The following BCL2 variants were observed in gnomAD, a reference collection of about 807,000 sequenced individuals.
BCL2 encodes BCL2 apoptosis regulator, also known as apoptosis regulator Bcl-2.
In BCL2, 1 loss-of-function variant was observed where a neutral mutation model predicts 14.2. The ratio of observed to expected loss-of-function variants is 0.07; its 90% CI spans 0.02 to 0.33. The LOEUF (loss-of-function observed/expected upper bound fraction) is 0.33. Ranked by LOEUF, BCL2 falls within the 10% of genes least tolerant of loss-of-function variation. BCL2 has a pLI of 0.99. For missense variants in BCL2, 247 were observed against 305.9 expected, an observed-to-expected ratio of 0.81 and a Z score of 1.44; for synonymous variants, 151 against 137.2, an observed-to-expected ratio of 1.10 and a Z score of -0.70.
rs569932555 is a variant in BCL2 at position 63,302,255 on chromosome 18, T to C, written c.585+15827A>G. ...GGCTGAGGTTGCAGTGAGCCGGGAC[T>C]GCACCACTGCACTCCAGCCTGGGCA... On this transcript the variant is annotated intron_variant, in intron 2 of 2. Coordinates refer to ENST00000333681, the MANE Select transcript of BCL2 (RefSeq NM_000633.3). The C allele has an allele frequency of 1.1e-5, 9 of 818,210 alleles. No homozygotes were observed. The East Asian group carries it at 6.3e-4, about 57-fold the overall frequency. 50.7% of individuals were successfully genotyped at this position (818,210 alleles called of 1,614,324 possible).
intron 2 of BCL2, among the ~76,000 whole-genome samples, chr18:63,293,046 C>T (rs958783483): frequency 6.6e-6 from 1 of 152,182 alleles, no homozygotes; most frequent in African/African-American, 2.4e-5. Flanking sequence ...GGGCTCTGAG[C>T]TTCATGCAAC....
At chr18:63,249,539 T>G (rs1368931224) in intron 2 of BCL2, among the ~76,000 whole-genome samples, 1 of 151,734 alleles carries the variant, frequency 6.6e-6, no homozygotes, top group Non-Finnish European at 1.5e-5. Context: ...AAACCCAGTC[T>G]CTACTAAAAA....
chr18:63,251,026 G>A (rs1229150924), intron 2 of BCL2, among the ~76,000 whole-genome samples: 1 of 152,136 alleles, frequency 6.6e-6, no homozygotes, highest in Non-Finnish European at 1.5e-5. Context: ...GCTGGGTTAT[G>A]AATTGACGTA....
At position 63,318,511 on chromosome 18, in the gene BCL2, C is replaced by A. The variant is rs1324162631; in HGVS notation, c.156G>T (p.Gln52His). ...CGGCTGGATGGGGCGTGTGCCCGGGCTGGGAGGAGAAGATGCCCGGTGCGG... is the reference window on the plus strand; with the variant it reads ...CGGCTGGATGGGGCGTGTGCCCGGGATGGGAGGAGAAGATGCCCGGTGCGG... Reference protein sequence around the residue: ...AAPAPGIFSSQPGHTPHPAAS... With the variant: ...AAPAPGIFSSHPGHTPHPAAS... Residue 52 changes from glutamine to histidine, a missense_variant, in exon 2 of 3, where the codon CAG becomes CAT. By Grantham distance (24) the Gln-to-His change is conservative. Around this residue, in one of 3 missense-constraint regions of BCL2, gnomAD observed 144 missense variants for 135.3 expected, o/e 1.06. Coordinates refer to ENST00000333681, the MANE Select transcript of BCL2 (RefSeq NM_000633.3). The surrounding 1 kb of genome is among the most constrained non-coding windows in gnomAD (Gnocchi z 7.4). 1.3e-6 allele frequency: 2 copies of A among 1,556,196 alleles called. No individual in the cohort carries two copies. Among genetic ancestry groups the A allele is most frequent in the Non-Finnish European group, 1.7e-6 (2 of 1,158,504 alleles).
At chr18:63,297,767 C>T (rs574437526) in intron 2 of BCL2, among the ~76,000 whole-genome samples, 7 of 152,272 alleles carry the variant, frequency 4.6e-5, no homozygotes, top group African/African-American at 1.7e-4. Context: ...AAGGGAAAGC[C>T]GCTGCTCATA....
chr18:63,251,000 C>T (rs1221444935), intron 2 of BCL2, among the ~76,000 whole-genome samples: 7 of 152,148 alleles, frequency 4.6e-5, no homozygotes, highest in Middle Eastern at 3.4e-3. Context: ...TTTCCTCCAC[C>T]GCTCTGGGTT....
chr18:63,125,118 T>G lies in BCL2; in HGVS notation c.*3507A>C, dbSNP rs1568209601. ...TTGATTATTATAACTCCTCTCGATTTATAATCACTTCCTAATTTTTCCCAC... is the reference window on the plus strand; with the variant it reads ...TTGATTATTATAACTCCTCTCGATTGATAATCACTTCCTAATTTTTCCCAC... On this transcript the variant is annotated 3_prime_UTR_variant, in exon 3 of 3. Coordinates refer to ENST00000333681, the MANE Select transcript of BCL2 (RefSeq NM_000633.3). 9.0e-6 allele frequency: 2 copies of G among 221,138 alleles called. No individual in the cohort carries two copies. The highest frequency in any genetic ancestry group is 1.8e-5 in the Non-Finnish European group (2 of 110,378). The allele number at this position is 221,138 out of a possible 1,614,324, so 13.7% of individuals were successfully genotyped here.
intron 2 of BCL2, among the ~76,000 whole-genome samples, chr18:63,221,067 C>T (rs763707248): frequency 7.9e-5 from 12 of 152,182 alleles, no homozygotes; most frequent in East Asian, 1.9e-4. Flanking sequence ...TCAGATGTTC[C>T]TCCTTGTGAT....
intron 2 of BCL2, among the ~76,000 whole-genome samples, chr18:63,301,785 G>A (rs879614724): frequency 1.3e-5 from 2 of 152,126 alleles, no homozygotes; most frequent in African/African-American, 2.4e-5. Context: ...AAACCAGTGC[G>A]CCTGTCCACG....
intron 2 of BCL2, among the ~76,000 whole-genome samples, chr18:63,298,231 A>C (rs181556825): frequency 1.3e-3 from 191 of 152,066 alleles, no homozygotes; most frequent in Middle Eastern, 3.4e-3. Flanking sequence ...AGTTTATTTT[A>C]CACGACTCTG....
At chr18:63,213,674 G>A (rs1042359650) in intron 2 of BCL2, among the ~76,000 whole-genome samples, 1 of 151,798 alleles carries the variant, frequency 6.6e-6, no homozygotes, top group Non-Finnish European at 1.5e-5. Flanking sequence ...GACTTTTCCC[G>A]GCACTGAGAA....
intron 2 of BCL2, among the ~76,000 whole-genome samples, chr18:63,309,617 G>GT (rs1599305315): frequency 6.6e-6 from 1 of 151,910 alleles, no homozygotes; most frequent in African/African-American, 2.4e-5. Context: ...GGTCTCCCCC[G>GT]TCCAGGCTCA....
intron 2 of BCL2, among the ~76,000 whole-genome samples, chr18:63,222,273 CA>C (rs35852603): frequency 0.014 from 1,157 of 83,258 alleles, 4 homozygotes; most frequent in African/African-American, 0.046. Context: ...GACTCCACCT[CA>C]AAAAAAAAAA....
chr18:63,277,979 C>A (rs956529246), intron 2 of BCL2, among the ~76,000 whole-genome samples: 10 of 152,150 alleles, frequency 6.6e-5, no homozygotes, highest in African/African-American at 2.4e-4. Context: ...AAGCCAGTGT[C>A]CCTCAACCCA....
intron 2 of BCL2, chr18:63,314,719 A>G (rs887308199): frequency 1.3e-5 from 2 of 152,234 alleles, no homozygotes; most frequent in Admixed American, 1.3e-4. Flanking sequence ...AAAGTCATTT[A>G]CAGAATTTAA....
intron 2 of BCL2, among the ~76,000 whole-genome samples, chr18:63,258,854 G>T (rs1245655506): frequency 1.3e-5 from 2 of 152,162 alleles, no homozygotes; most frequent in South Asian, 4.1e-4. Context: ...TTTCTCTATT[G>T]ACTTGGATGA....
At chr18:63,250,230 G>A (rs1157729528) in intron 2 of BCL2, among the ~76,000 whole-genome samples, 1 of 152,214 alleles carries the variant, frequency 6.6e-6, no homozygotes, top group Non-Finnish European at 1.5e-5. Context: ...TACTGCAAAG[G>A]AGAACATATA....
chr18:63,276,510 G>A (rs1012097002), intron 2 of BCL2, among the ~76,000 whole-genome samples: 5 of 152,184 alleles, frequency 3.3e-5, no homozygotes, highest in African/African-American at 1.2e-4. Context: ...GGACTTTCCA[G>A]TCTCCCCTGG....
At chr18:63,274,759 T>C (rs1344887457) in intron 2 of BCL2, among the ~76,000 whole-genome samples, 2 of 152,126 alleles carry the variant, frequency 1.3e-5, no homozygotes, top group Non-Finnish European at 2.9e-5. Context: ...TCTGCAGGGA[T>C]TTCTGCCTCC....
Sources: allele counts gnomAD v4.1 joint callset (sites outside exome capture counted in the v4.1 genomes callset), GRCh38; gene constraint gnomAD v4.1.1; regional missense constraint gnomAD v4.1.1; non-coding constraint Gnocchi (gnomAD v3.1); transcripts MANE v1.5; gene names NCBI Gene and HGNC (gene_info 2026-07-23, HGNC 2026-07-21).